Variants in TAF2 observed in about 807,000 individuals in gnomAD.
TAF2 encodes transcription initiation factor TFIID subunit 2.
Under a neutral mutation model 138.5 loss-of-function variants are expected in TAF2, and 61 were observed. The ratio of observed to expected loss-of-function variants is 0.44; its 90% CI spans 0.36 to 0.54. The LOEUF is 0.54. Among genes scored for constraint, TAF2 ranks in the 20% least tolerant of loss-of-function variants. The probability of loss-of-function intolerance (pLI) is 0.00; values close to 1 mark genes in which losing one functional copy is unlikely to be tolerated. For missense variants in TAF2, 1,090 were observed against 1,427.9 expected, an observed-to-expected ratio of 0.76 and a Z score of 3.81; for synonymous variants, 475 against 469.9, an observed-to-expected ratio of 1.01 and a Z score of -0.14.
rs115318028 is a variant in TAF2 at position 119,795,267 on chromosome 8, A to G, written c.1191+265T>C. On this transcript the variant is annotated intron_variant, in intron 9 of 25. Coordinates refer to ENST00000378164, the MANE Select transcript of TAF2 (RefSeq NM_003184.4). Reference sequence around the variant, plus strand: ...GGAAGCACAGTTACAAACGACTACTATAAGGAGCTGGGACATACCTAACGA... The same window carrying G: ...GGAAGCACAGTTACAAACGACTACTGTAAGGAGCTGGGACATACCTAACGA... Among the ~76,000 whole-genome samples, 373 of 152,254 alleles carry G rather than the reference A, an allele frequency of 2.4e-3. 2 individuals are homozygous for G. The highest frequency in any genetic ancestry group is 8.0e-3 in the African/African-American group (332 of 41,552).
At chr8:119,763,837 G>C (rs1346965845) in intron 18 of TAF2, among the ~76,000 whole-genome samples, 1 of 151,470 alleles carries the variant, frequency 6.6e-6, no homozygotes, top group Admixed American at 6.6e-5. Flanking sequence ...CTGGGTGACA[G>C]AGCAAGACTG....
At chr8:119,790,214 T>C (rs986985564) in intron 11 of TAF2, among the ~76,000 whole-genome samples, 1 of 152,056 alleles carries the variant, frequency 6.6e-6, no homozygotes, top group African/African-American at 2.4e-5. Flanking sequence ...GGTAAGTGGG[T>C]AGCTTGAGCC....
In TAF2 at chr8:119,787,251, T is replaced by C. The variant is rs556764571; in HGVS notation, c.1793+1087A>G. ...GGATAGCTTTAGGAGATATACCTAA[T>C]GCTAAATGACGTGTTAATGGGTGCA... is the stretch of plus-strand genomic sequence containing the variant. On this transcript the variant is annotated intron_variant, in intron 14 of 25. Coordinates refer to ENST00000378164, the MANE Select transcript of TAF2 (RefSeq NM_003184.4). Among the ~76,000 whole-genome samples, 104 of 152,272 alleles carry C rather than the reference T, an allele frequency of 6.8e-4. 3 individuals are homozygous for C. The South Asian group carries it at 0.012, about 18-fold the overall frequency.
intron 24 of TAF2, among the ~76,000 whole-genome samples, chr8:119,743,450 G>A (rs762384159): frequency 4.6e-5 from 7 of 151,844 alleles, no homozygotes; most frequent in Non-Finnish European, 8.8e-5. Context: ...AAGCATATAC[G>A]AAACATCTGT....
At chr8:119,753,378 G>C (rs1012103007) in intron 22 of TAF2, among the ~76,000 whole-genome samples, 1 of 151,948 alleles carries the variant, frequency 6.6e-6, no homozygotes, top group South Asian at 2.1e-4. Flanking sequence ...TTATCCCAAA[G>C]GTTCAGGCTT....
At chr8:119,788,724 C>T in intron 13 of TAF2, 66 bp downstream of exon 13, 1 of 1,135,402 alleles carries the variant, frequency 8.8e-7, no homozygotes, top group Non-Finnish European at 1.3e-6. Flanking sequence ...TAACCCATCC[C>T]TAAGTCCCTC....
intron 6 of TAF2, among the ~76,000 whole-genome samples, chr8:119,798,426 T>C (rs1412918309): frequency 6.6e-6 from 1 of 152,176 alleles, no homozygotes; most frequent in Non-Finnish European, 1.5e-5. Flanking sequence ...CACACAAATA[T>C]CATATGCTAT....
chr8:119,742,462 T>A, intron 25 of TAF2, 72 bp downstream of exon 25: 1 of 1,567,912 alleles, frequency 6.4e-7, no homozygotes, highest in Non-Finnish European at 8.7e-7. Context: ...TTAAAGTTGA[T>A]GAAGTAACTC....
At chr8:119,813,161 G>C (rs1825215287) in intron 3 of TAF2, among the ~76,000 whole-genome samples, 1 of 152,126 alleles carries the variant, frequency 6.6e-6, no homozygotes, top group Non-Finnish European at 1.5e-5. Flanking sequence ...TAAGGTGTAT[G>C]TCATCGTGGT....
intron 6 of TAF2, among the ~76,000 whole-genome samples, chr8:119,799,815 T>C (rs1351187474): frequency 6.6e-6 from 1 of 152,352 alleles, no homozygotes; most frequent in South Asian, 2.1e-4. Context: ...CAGCACCTGT[T>C]GTTTCCTGAC....
At chr8:119,781,988 G>A (rs553644457) in intron 16 of TAF2, among the ~76,000 whole-genome samples, 56 of 152,108 alleles carry the variant, frequency 3.7e-4, no homozygotes, top group African/African-American at 1.2e-3. Context: ...GCACTCGGCC[G>A]AAAAAATTCT....
chr8:119,747,045 C>T (rs1820026441), intron 22 of TAF2, 111 bp from the exon 23 acceptor site: 1 of 1,095,578 alleles, frequency 9.1e-7, no homozygotes, highest in Middle Eastern at 2.5e-4. Context: ...AAACCTTTAT[C>T]ACACCTTTCA....
At chr8:119,783,028 CAG>C (rs1822781962) in intron 16 of TAF2, among the ~76,000 whole-genome samples, 1 of 147,350 alleles carries the variant, frequency 6.8e-6, no homozygotes, top group African/African-American at 2.5e-5. Context: ...CACACACACA[CAG>C]AGATTTCATG....
At chr8:119,793,767 T>G (rs1374264337) in intron 9 of TAF2, among the ~76,000 whole-genome samples, 1 of 152,182 alleles carries the variant, frequency 6.6e-6, no homozygotes, top group Non-Finnish European at 1.5e-5. Flanking sequence ...CTCTGTATTT[T>G]GCTTCAAAAA....
chr8:119,827,418 C>A (rs1453969654), intron 2 of TAF2, among the ~76,000 whole-genome samples: 1 of 152,178 alleles, frequency 6.6e-6, no homozygotes, highest in Non-Finnish European at 1.5e-5. Context: ...AATTTAATAA[C>A]CCCAAAGTGC....
chr8:119,777,741 C>T (rs1375075120), intron 18 of TAF2, among the ~76,000 whole-genome samples: 1 of 152,126 alleles, frequency 6.6e-6, no homozygotes, highest in Non-Finnish European at 1.5e-5. Flanking sequence ...TAACTGGCTA[C>T]CCCAAATCTG....
In TAF2 at chr8:119,739,767, G is replaced by A. The variant is rs533088087; in HGVS notation, c.3337+2767C>T. On this transcript the variant is annotated intron_variant, in intron 25 of 25. Transcript: ENST00000378164. ...CATAAATGAGTAAACAGACTACTGG[G>A]TGCGGCATAAGAGATCACACGCCTT... Among the ~76,000 whole-genome samples, 29 of 149,830 alleles carry A rather than the reference G, an allele frequency of 1.9e-4. No individual in the cohort carries two copies. In the East Asian group the frequency reaches 5.7e-3, roughly 29 times the overall value.
At chr8:119,743,533 A>G (rs1457235689) in intron 24 of TAF2, among the ~76,000 whole-genome samples, 1 of 152,176 alleles carries the variant, frequency 6.6e-6, no homozygotes, top group East Asian at 1.9e-4. Context: ...ATATGTCACA[A>G]CTTTTATCAA....
chr8:119,802,131 C>T, intron 5 of TAF2, 106 bp from the exon 6 acceptor site: 2 of 984,956 alleles, frequency 2.0e-6, no homozygotes, highest in Non-Finnish European at 3.0e-6. Flanking sequence ...ACAAACAAAA[C>T]CTTTAGCTAT....
Sources: allele counts gnomAD v4.1 joint callset (sites outside exome capture counted in the v4.1 genomes callset), GRCh38; gene constraint gnomAD v4.1.1; transcripts MANE v1.5; gene names NCBI Gene and HGNC (gene_info 2026-07-23, HGNC 2026-07-21).